MEF2C: variants seen among roughly 807,000 people sequenced by gnomAD.
MEF2C encodes myocyte enhancer factor 2C.
In MEF2C, 6 loss-of-function variants were observed where a neutral mutation model predicts 50.5. The ratio of observed to expected loss-of-function variants is 0.12; its 90% confidence interval spans 0.07 to 0.23. The LOEUF (loss-of-function observed/expected upper bound fraction) is 0.23. MEF2C is among the 10% of genes least tolerant of loss of function. The probability of loss-of-function intolerance (pLI) is 1.00; values close to 1 mark genes in which losing one functional copy is unlikely to be tolerated. For synonymous variants in MEF2C, 183 were observed against 228.0 expected (o/e 0.80, Z 1.78); for missense variants, 276 against 605.0 (o/e 0.46, Z 5.70).
chr5:88,864,257 A>G (rs143990575), intron 1 of MEF2C, among the ~76,000 whole-genome samples: 2 of 151,196 alleles, frequency 1.3e-5, no homozygotes, highest in Non-Finnish European at 2.9e-5. Context: ...GCCTTATTTG[A>G]TCATGCTATA....
chr5:88,883,190 G>A (rs1289021909), upstream of MEF2C: 1 of 151,106 alleles, frequency 6.6e-6, no homozygotes, highest in African/African-American at 2.4e-5. Context: ...ACTGCGAGCA[G>A]AGCGAGCAGA....
At chr5:88,857,408 G>A (rs764457493) in intron 1 of MEF2C, among the ~76,000 whole-genome samples, 8 of 152,158 alleles carry the variant, frequency 5.3e-5, no homozygotes, top group African/African-American at 1.2e-4. Context: ...TTTGGATTTC[G>A]ACTTTTGGGT....
intron 1 of MEF2C, among the ~76,000 whole-genome samples, chr5:88,859,104 GCTT>G (rs1280376175): frequency 2.0e-5 from 3 of 152,318 alleles, no homozygotes; most frequent in Middle Eastern, 3.4e-3. Flanking sequence ...CATCCATATG[GCTT>G]CTTACTATTT....
At chr5:88,780,751 G>C in intron 3 of MEF2C, 2 of 983,898 alleles carry the variant, frequency 2.0e-6, no homozygotes, top group Non-Finnish European at 2.4e-6. Flanking sequence ...ATTTATTTTT[G>C]TGTCAGAAGA....
At chr5:88,822,879 A>AC (rs1432118171) in intron 2 of MEF2C, among the ~76,000 whole-genome samples, 11 of 151,992 alleles carry the variant, frequency 7.2e-5, no homozygotes, top group African/African-American at 2.6e-4. Context: ...GATGGTTGGG[A>AC]CCCAGCAGTA....
chr5:88,828,059 A>G (rs1811636312), intron 1 of MEF2C, among the ~76,000 whole-genome samples: 1 of 151,968 alleles, frequency 6.6e-6, no homozygotes, highest in Non-Finnish European at 1.5e-5. Context: ...TCTCCTCACT[A>G]TTAGGTTCTT....
intron 1 of MEF2C, among the ~76,000 whole-genome samples, chr5:88,858,672 A>T (rs758528482): frequency 1.3e-5 from 2 of 152,150 alleles, no homozygotes; most frequent in Non-Finnish European, 2.9e-5. Context: ...CTAATCCTGG[A>T]TCAGTTAGTT....
chr5:88,737,682 A>C, intron 6 of MEF2C: 2 of 985,398 alleles, frequency 2.0e-6, no homozygotes, highest in Non-Finnish European at 2.4e-6. Flanking sequence ...TGCGGAGAGA[A>C]GGAATGCAGG....
chr5:88,803,185 C>G (rs1466672739), intron 3 of MEF2C, among the ~76,000 whole-genome samples: 1 of 152,158 alleles, frequency 6.6e-6, no homozygotes, highest in African/African-American at 2.4e-5. Context: ...TCAAGGCAAG[C>G]ACACAATTCA....
chr5:88,898,924 T>G (rs568225016), intron 1 of MEF2C, among the ~76,000 whole-genome samples: 1 of 152,188 alleles, frequency 6.6e-6, no homozygotes, highest in Non-Finnish European at 1.5e-5. Context: ...TCAGATATTT[T>G]TAACACTGTT....
At chr5:88,828,518 TCA>T (rs940467812) in intron 1 of MEF2C, among the ~76,000 whole-genome samples, 1 of 152,028 alleles carries the variant, frequency 6.6e-6, no homozygotes, top group African/African-American at 2.4e-5. Flanking sequence ...GCACACTCTA[TCA>T]CACAACACTA....
At chr5:88,897,021 G>C (rs1293143322) in intron 1 of MEF2C, among the ~76,000 whole-genome samples, 5 of 151,760 alleles carry the variant, frequency 3.3e-5, no homozygotes, top group African/African-American at 1.2e-4. Context: ...TACATTTTCT[G>C]TTTCAGAACC....
At chr5:88,790,969 C>G (rs1262275021) in intron 3 of MEF2C, among the ~76,000 whole-genome samples, 2 of 152,288 alleles carry the variant, frequency 1.3e-5, no homozygotes, top group East Asian at 3.9e-4. Flanking sequence ...GAGCCATCAT[C>G]TTAGAATTCT....
intron 6 of MEF2C, chr5:88,737,050 G>C: frequency 1.0e-6 from 1 of 985,098 alleles, no homozygotes; most frequent in Non-Finnish European, 1.2e-6. Flanking sequence ...TATGTTTCAG[G>C]TGCTTCACAA....
upstream of MEF2C, among the ~76,000 whole-genome samples, chr5:88,885,130 C>T (rs1455345551): frequency 6.6e-6 from 1 of 152,148 alleles, no homozygotes; most frequent in Non-Finnish European, 1.5e-5. Context: ...CTACGTTTAA[C>T]CCAATGACTA....
intron 6 of MEF2C, chr5:88,738,527 C>T (rs1238975133): frequency 1.1e-6 from 1 of 888,088 alleles, no homozygotes; most frequent in Non-Finnish European, 1.3e-6. Context: ...CAATGTCAAA[C>T]AGCTATCAAC....
intron 3 of MEF2C, among the ~76,000 whole-genome samples, chr5:88,770,354 A>G (rs1237202491): frequency 6.6e-6 from 1 of 152,244 alleles, no homozygotes; most frequent in Non-Finnish European, 1.5e-5. Context: ...CATCAAAATA[A>G]GTCAAATCAT....
intron 3 of MEF2C, chr5:88,772,653 T>C (rs1782895455): frequency 2.4e-6 from 2 of 821,022 alleles, no homozygotes; most frequent in South Asian, 5.6e-5. Context: ...ACAGATTTCA[T>C]TTATGGTATC....
intron 4 of MEF2C, among the ~76,000 whole-genome samples, chr5:88,760,181 G>T (rs1388942818): frequency 6.6e-6 from 1 of 152,334 alleles, no homozygotes; most frequent in African/African-American, 2.4e-5. Flanking sequence ...AACATTATTT[G>T]ATTGATGACA....
Sources: gnomAD v4.1 joint callset for allele counts (sites outside exome capture counted in the v4.1 genomes callset) on GRCh38, gnomAD v4.1.1 for gene constraint, MANE v1.5 for transcripts, NCBI Gene and HGNC (gene_info 2026-07-23, HGNC 2026-07-21) for gene names.